Variants in GRM7 observed in about 807,000 individuals in gnomAD.
GRM7 encodes glutamate metabotropic receptor 7.
In GRM7, 35 loss-of-function variants were observed where a neutral mutation model predicts 84.5. That is an observed-to-expected ratio of 0.41 (90% confidence interval 0.32 to 0.55). The LOEUF is 0.55. GRM7 is among the 20% of genes least tolerant of loss of function. The pLI, the probability that GRM7 is intolerant of heterozygous loss-of-function variation, is 0.19. For missense variants in GRM7, 1,003 were observed against 1,194.6 expected, an observed-to-expected ratio of 0.84 and a Z score of 2.36; for synonymous variants, 487 against 455.1, an observed-to-expected ratio of 1.07 and a Z score of -0.89.
At chr3:7,221,611 A>T (rs564926027) in intron 2 of GRM7, among the ~76,000 whole-genome samples, 11 of 151,810 alleles carry the variant, frequency 7.2e-5, no homozygotes, top group Non-Finnish European at 1.3e-4. Context: ...CTAATATTGT[A>T]TAGTTTCTTT....
At chr3:7,523,624 G>A (rs1005371075) in intron 7 of GRM7, among the ~76,000 whole-genome samples, 3 of 152,080 alleles carry the variant, frequency 2.0e-5, no homozygotes, top group African/African-American at 2.4e-5. Flanking sequence ...AGACTACAAG[G>A]GATGTACTTT....
At chr3:7,491,716 C>T (rs1391030622) in intron 7 of GRM7, among the ~76,000 whole-genome samples, 1 of 152,120 alleles carries the variant, frequency 6.6e-6, no homozygotes, top group Non-Finnish European at 1.5e-5. Flanking sequence ...CGTCCGTAGG[C>T]AAATCATTTT....
At chr3:6,899,397 T>C (rs1696307863) in intron 1 of GRM7, among the ~76,000 whole-genome samples, 1 of 152,164 alleles carries the variant, frequency 6.6e-6, no homozygotes, top group African/African-American at 2.4e-5. Flanking sequence ...GGACAACTTT[T>C]GATAAAATAT....
At chr3:6,876,262 C>T (rs1574955997) in intron 1 of GRM7, among the ~76,000 whole-genome samples, 1 of 150,246 alleles carries the variant, frequency 6.7e-6, no homozygotes, top group Non-Finnish European at 1.5e-5. Context: ...AGCGAGGCTC[C>T]ATCTCAAAAA....
At chr3:7,144,419 A>G (rs976713125) in intron 1 of GRM7, among the ~76,000 whole-genome samples, 1 of 152,226 alleles carries the variant, frequency 6.6e-6, no homozygotes, top group African/African-American at 2.4e-5. Context: ...TTGGATAAAC[A>G]GTACATATTA....
At chr3:7,110,714 A>C (rs1264473367) in intron 1 of GRM7, among the ~76,000 whole-genome samples, 1 of 151,950 alleles carries the variant, frequency 6.6e-6, no homozygotes, top group African/African-American at 2.4e-5. Flanking sequence ...ATTACCTACT[A>C]ATTTCCAGAT....
intron 2 of GRM7, among the ~76,000 whole-genome samples, chr3:7,173,231 C>T (rs1189849850): frequency 6.6e-6 from 1 of 152,184 alleles, no homozygotes; most frequent in East Asian, 1.9e-4. Flanking sequence ...AAGTTAACTA[C>T]ATTCAAATTC....
At position 7,519,854 on chromosome 3, in the gene GRM7, CTTCA is replaced by C. The variant is rs1252023274; in HGVS notation, c.1515+58137_1515+58140del. ...AGCTGAGTGGTAGAATCATTTGAAG[CTTCA>C]TTCACTCACTGGGCTGGTAGTTGAG... On this transcript the variant is annotated intron_variant, in intron 7 of 9. Transcript: ENST00000357716. 5 of 152,424 alleles carry C rather than the reference CTTCA, an allele frequency of 3.3e-5. No homozygotes were observed. In the East Asian group the frequency reaches 9.7e-4, roughly 29 times the overall value. The allele number at this position is 152,424 out of a possible 1,614,324, so 9.4% of individuals were successfully genotyped here. A position where few individuals can be genotyped will look rare whatever the true frequency, so the allele number is the denominator to read the frequency against.
intron 1 of GRM7, among the ~76,000 whole-genome samples, chr3:6,869,253 C>G (rs1325463920): frequency 3.3e-5 from 5 of 151,978 alleles, no homozygotes; most frequent in Admixed American, 6.6e-5. Context: ...TGACGTTGAT[C>G]AAAAAGGTAC....
intron 1 of GRM7, among the ~76,000 whole-genome samples, chr3:7,054,212 T>C (rs1697124130): frequency 6.6e-6 from 1 of 150,408 alleles, no homozygotes; most frequent in Admixed American, 6.7e-5. Flanking sequence ...ACTTTCAAAA[T>C]AGATTCTCTA....
rs565259404 is a variant in GRM7, at chr3:7,674,818, C to T, written c.2452-5231C>T. ...GGCACTTGTATCTCAATAAAAATGG[C>T]GAACTTAGTGTGCTTTAAGTTTGAT... On this transcript the variant is annotated intron_variant, in intron 8 of 9. Coordinates refer to ENST00000357716, the MANE Select transcript of GRM7 (RefSeq NM_000844.4). 5.3e-5 allele frequency among the ~76,000 whole-genome samples: 8 copies of T among 152,114 alleles called. No homozygotes were observed. In the South Asian group the frequency reaches 8.3e-4, roughly 16 times the overall value.
rs566440207 is a variant in GRM7, at chr3:7,199,741, C to T, written c.736+53073C>T. 8.5e-5 allele frequency among the ~76,000 whole-genome samples: 13 copies of T among 152,264 alleles called. No homozygotes were observed. The East Asian group carries it at 2.5e-3, about 29-fold the overall frequency. On this transcript the variant is annotated intron_variant, in intron 2 of 9. Transcript: ENST00000357716. Reference sequence around the variant, plus strand: ...TATTAATAGTCCCAAGGTTGAGGAACCCTGACATAGAGCCATGATTTATAA... The same window carrying T: ...TATTAATAGTCCCAAGGTTGAGGAATCCTGACATAGAGCCATGATTTATAA...
chr3:7,140,127 C>T (rs2125061628), intron 1 of GRM7, among the ~76,000 whole-genome samples: 1 of 151,840 alleles, frequency 6.6e-6, no homozygotes, highest in East Asian at 1.9e-4. Flanking sequence ...GTTATGGTGG[C>T]TATAATCAAA....
At chr3:7,136,700 C>G (rs76865330) in intron 1 of GRM7, among the ~76,000 whole-genome samples, 2 of 152,100 alleles carry the variant, frequency 1.3e-5, no homozygotes, top group African/African-American at 4.8e-5. Context: ...AATCTGTTCT[C>G]TTAGCTTATT....
chr3:7,115,910 G>T (rs1183081024), intron 1 of GRM7, among the ~76,000 whole-genome samples: 1 of 152,100 alleles, frequency 6.6e-6, no homozygotes, highest in Non-Finnish European at 1.5e-5. Flanking sequence ...CTGCATTTGG[G>T]TACAAAACAA....
At chr3:7,041,223 C>G (rs553289845) in intron 1 of GRM7, among the ~76,000 whole-genome samples, 65 of 152,228 alleles carry the variant, frequency 4.3e-4, no homozygotes, top group African/African-American at 1.5e-3. Context: ...ATACATATCA[C>G]CACAATCAAG....
At chr3:7,721,035 C>T (rs1388800569) in intron 9 of GRM7, among the ~76,000 whole-genome samples, 3 of 152,206 alleles carry the variant, frequency 2.0e-5, no homozygotes, top group Non-Finnish European at 4.4e-5. Flanking sequence ...AAATGCTTAG[C>T]ACTATTTCTA....
chr3:7,113,011 A>G (rs1192512110), intron 1 of GRM7, among the ~76,000 whole-genome samples: 1 of 152,174 alleles, frequency 6.6e-6, no homozygotes, highest in Admixed American at 6.5e-5. Context: ...AGCTTAGATG[A>G]AAACTCTGTA....
At chr3:6,926,329 A>T (rs1221156646) in intron 1 of GRM7, among the ~76,000 whole-genome samples, 1 of 152,178 alleles carries the variant, frequency 6.6e-6, no homozygotes, top group Non-Finnish European at 1.5e-5. Flanking sequence ...CACACATGCA[A>T]ACATATGTAC....
Sources: gnomAD v4.1 joint callset for allele counts (sites outside exome capture counted in the v4.1 genomes callset) on GRCh38, gnomAD v4.1.1 for gene constraint, MANE v1.5 for transcripts, NCBI Gene and HGNC (gene_info 2026-07-23, HGNC 2026-07-21) for gene names.